MACF1: variants seen among roughly 807,000 people sequenced by gnomAD.
MACF1 encodes microtubule actin crosslinking factor 1.
In MACF1, 193 loss-of-function variants were observed where a neutral mutation model predicts 854.8. The ratio of observed to expected loss-of-function variants is 0.23; its 90% CI spans 0.20 to 0.25. The LOEUF (loss-of-function observed/expected upper bound fraction) is 0.25. Among genes scored for constraint, MACF1 ranks in the 10% least tolerant of loss-of-function variants. MACF1 has a pLI of 1.00. For missense variants in MACF1, 7,722 were observed against 8,929.1 expected (o/e 0.86, Z 5.45); for synonymous variants, 3,185 against 3,226.7 (o/e 0.99, Z 0.44).
Position 39,486,104 on chromosome 1 carries a change from G to A in MACF1, c.*310G>A, listed in dbSNP as rs778915106. 15 of 206,696 alleles carry A rather than the reference G, an allele frequency of 7.3e-5. No individual in the cohort carries two copies. The highest frequency in any genetic ancestry group is 6.5e-4 in the East Asian group (6 of 9,184). 12.8% of individuals were successfully genotyped at this position (206,696 alleles called of 1,614,324 possible). A position where few individuals can be genotyped will look rare whatever the true frequency, so the allele number is the denominator to read the frequency against. ...AAAAGCCTATTAATAGGGTTTCTGC[G>A]CGGTGCAGGGTTGTAAACCTGCTTT... On this transcript the variant is annotated 3_prime_UTR_variant, in exon 101 of 101. Coordinates refer to ENST00000564288, the MANE Select transcript of MACF1 (RefSeq NM_001394062.1).
At chr1:39,314,567 TCTCACACACACACACACACA>T (rs1299818626) in intron 26 of MACF1, among the ~76,000 whole-genome samples, 9 of 115,210 alleles carry the variant, frequency 7.8e-5, no homozygotes, top group Non-Finnish European at 1.3e-4. Context: ...TCTCTCTCTC[TCTCACACACACACACACACA>T]CACACACACA....
In MACF1 at chr1:39,430,927, C is replaced by T. The variant is rs983304692; in HGVS notation, c.17337+19C>T. The T allele has an allele frequency of 2.5e-6, 4 of 1,584,502 alleles. No individual in the cohort carries two copies. The highest frequency in any genetic ancestry group is 3.5e-6 in the Non-Finnish European group (4 of 1,154,750). On this transcript the variant is annotated intron_variant, in intron 66 of 100. Coordinates refer to ENST00000564288, the MANE Select transcript of MACF1 (RefSeq NM_001394062.1). ...ACAACAGGTAATGCTTATAATACCT[C>T]TGCATTAATATTTTAGACAGTATTG...
chr1:39,312,546 T>C (rs1646321733), intron 26 of MACF1, among the ~76,000 whole-genome samples: 1 of 152,116 alleles, frequency 6.6e-6, no homozygotes, highest in Non-Finnish European at 1.5e-5. Flanking sequence ...TGATACGGGT[T>C]GAGTGTGGTG....
At chr1:39,156,387 G>A (rs913345638) in intron 2 of MACF1, among the ~76,000 whole-genome samples, 4 of 152,206 alleles carry the variant, frequency 2.6e-5, no homozygotes, top group Admixed American at 2.6e-4. Flanking sequence ...TGGAAGCCAA[G>A]GTGGGATGAT....
At chr1:39,386,470 T>C (rs635943) in intron 57 of MACF1, among the ~76,000 whole-genome samples, 60,177 of 149,870 alleles carry the variant, frequency 0.4, 14,205 homozygotes, top group African/African-American at 0.67. Context: ...CTCACTCTGT[T>C]GCCCCAGCTG....
At chr1:39,164,043 A>T (rs2148212489) in intron 2 of MACF1, among the ~76,000 whole-genome samples, 1 of 152,002 alleles carries the variant, frequency 6.6e-6, no homozygotes, top group East Asian at 1.9e-4. Context: ...GCTCTTTATT[A>T]TTTTGTGAGC....
At chr1:39,211,707 C>G (rs959715505) in intron 1 of MACF1, among the ~76,000 whole-genome samples, 22 of 152,052 alleles carry the variant, frequency 1.4e-4, no homozygotes, top group African/African-American at 2.9e-4. Flanking sequence ...ATGGTAAAAC[C>G]CTGTCTCTAC....
chr1:39,378,428 T>C, intron 52 of MACF1, 33 bp from the exon 53 acceptor site: 1 of 1,573,406 alleles, frequency 6.4e-7, no homozygotes, highest in Non-Finnish European at 8.7e-7. Flanking sequence ...CACGTTGGTC[T>C]TGCCCTGTTT....
rs1174554515 is a variant in MACF1 at position 39,434,440 on chromosome 1, A to G, written c.17592A>G (p.Gln5864=). The G allele has an allele frequency of 5.0e-6, 8 of 1,611,142 alleles. No homozygotes were observed. The Admixed American group carries it at 1.3e-4, about 27-fold the overall frequency. Residue 5864 remains glutamine (Q), a synonymous_variant, in exon 69 of 101, where the codon CAA becomes CAG. Coordinates refer to ENST00000564288, the MANE Select transcript of MACF1 (RefSeq NM_001394062.1). Reference sequence around the variant, plus strand: ...AAAAGACAGAGTCTCTAATACAGCAATATGAAGCCATTAGCCTACTCAATT... The same window carrying G: ...AAAAGACAGAGTCTCTAATACAGCAGTATGAAGCCATTAGCCTACTCAATT... ...LQEKTESLIQ[Q]YEAISLLNSE...
At chr1:39,316,630 T>C in intron 28 of MACF1, 101 bp downstream of exon 28, 1 of 1,177,048 alleles carries the variant, frequency 8.5e-7, no homozygotes, top group Non-Finnish European at 1.2e-6. Flanking sequence ...GATTTAAATT[T>C]GCATTTGAAT....
At chr1:39,233,097 C>T (rs1485510071) in intron 2 of MACF1, among the ~76,000 whole-genome samples, 83 of 151,830 alleles carry the variant, frequency 5.5e-4, no homozygotes, top group South Asian at 2.1e-4. Context: ...TGCAGTGGCA[C>T]GATCTCGGCT....
At chr1:39,481,888 G>C (rs1645018697) in intron 99 of MACF1, among the ~76,000 whole-genome samples, 2 of 152,140 alleles carry the variant, frequency 1.3e-5, no homozygotes, top group South Asian at 4.2e-4. Flanking sequence ...CTGTTTTGAG[G>C]TTCATTTCAC....
intron 6 of MACF1, among the ~76,000 whole-genome samples, chr1:39,277,809 T>C (rs2148372521): frequency 6.6e-6 from 1 of 152,362 alleles, no homozygotes; most frequent in South Asian, 2.1e-4. Context: ...CCTGAGGCTG[T>C]GTTTTTTTAT....
rs1438617921 is a variant in MACF1 at position 39,350,988 on chromosome 1, G to T, written c.11169G>T (p.Val3723=). The T allele has an allele frequency of 6.2e-7, 1 of 1,614,042 alleles. No homozygotes were observed. Residue 3723 remains valine, a synonymous_variant, in exon 43 of 101, where the codon GTG becomes GTT. Coordinates refer to ENST00000564288, the MANE Select transcript of MACF1 (RefSeq NM_001394062.1). ...CCCAGAAGGAACTGGAGGAAGCAGT[G>T]ACCTCCGCCTTACAGCAGGAGACTG... is the stretch of plus-strand genomic sequence containing the variant. ...RVAQKELEEA[V]TSALQQETEK...
intron 15 of MACF1, among the ~76,000 whole-genome samples, chr1:39,288,769 G>T (rs979015005): frequency 1.3e-5 from 2 of 152,150 alleles, no homozygotes; most frequent in Non-Finnish European, 2.9e-5. Context: ...TCCAGCCTGG[G>T]CAACAGAGCA....
chr1:39,096,029 C>G lies in MACF1; in HGVS notation c.220+11591C>G, dbSNP rs187376752. 1.7e-3 allele frequency among the ~76,000 whole-genome samples: 260 copies of G among 151,792 alleles called. 2 individuals are homozygous for G. The highest frequency in any genetic ancestry group is 4.6e-4 in the Non-Finnish European group (31 of 67,968). On this transcript the variant is annotated intron_variant, in intron 2 of 93. Transcript: ENST00000361689. ...AGAGAAAATCAAAAAATAATCCAGG[C>G]GTAGTGGCACATACCTGTGGACCCA...
At position 39,336,611 on chromosome 1, in the gene MACF1, G is replaced by A. The variant is rs118188721; in HGVS notation, c.10023G>A (p.Lys3341=). ...CCTTCATGACTGCACCTGAAGGAAA[G>A]GGAAATGGAGGTGTAAACCCAGAGC... ...QTPFMTAPEG[K]GNGGVNPEPF... Residue 3341 remains lysine (K), a synonymous_variant, in exon 37 of 101, where the codon AAG becomes AAA. Coordinates refer to ENST00000564288, the MANE Select transcript of MACF1 (RefSeq NM_001394062.1). The A allele has an allele frequency of 2.5e-6, 4 of 1,613,370 alleles. No individual in the cohort carries two copies. Among genetic ancestry groups the A allele is most frequent in the East Asian group, 4.5e-5 (2 of 44,878 alleles).
intron 79 of MACF1, 103 bp downstream of exon 79, chr1:39,443,677 G>C: frequency 3.9e-6 from 5 of 1,284,112 alleles, no homozygotes; most frequent in Non-Finnish European, 5.3e-6. Context: ...CTACAAAGTA[G>C]TGCATTTTTA....
chr1:39,389,517 G>T (rs570142088), intron 58 of MACF1, among the ~76,000 whole-genome samples: 3 of 151,582 alleles, frequency 2.0e-5, no homozygotes, highest in Non-Finnish European at 4.4e-5. Context: ...TCACCACCAC[G>T]CCTGGTTAAT....
Sources: allele counts gnomAD v4.1 joint callset (sites outside exome capture counted in the v4.1 genomes callset), GRCh38; gene constraint gnomAD v4.1.1; transcripts MANE v1.5; gene names NCBI Gene and HGNC (gene_info 2026-07-23, HGNC 2026-07-21).